Variants in RAB38 observed in about 807,000 individuals in gnomAD.
RAB38 encodes ras-related protein Rab-38.
RAB38 carries 15 observed loss-of-function variants against 18.4 expected under a neutral mutation model. The observed-to-expected ratio is 0.82, with a 90% confidence interval of 0.55 to 1.26. The LOEUF is 1.26. Among genes scored for constraint, RAB38 ranks in the 50% most tolerant of loss-of-function variants. The probability of loss-of-function intolerance (pLI) is 0.00; values close to 1 mark genes in which losing one functional copy is unlikely to be tolerated. For missense variants in RAB38, 294 were observed against 267.4 expected, an observed-to-expected ratio of 1.10 and a Z score of -0.69; for synonymous variants, 101 against 104.4, an observed-to-expected ratio of 0.97 and a Z score of 0.20.
chr11:88,069,534 C>A, the RAB38 span, among the ~76,000 whole-genome samples: 1 of 152,224 alleles, frequency 6.6e-6, no homozygotes, highest in Non-Finnish European at 1.5e-5. Flanking sequence ...ATTTGGAGAA[C>A]TTTTATGTCT....
chr11:87,938,672 G>GA, the RAB38 span, among the ~76,000 whole-genome samples: 28,135 of 117,860 alleles, frequency 0.24, 4,167 homozygotes, highest in African/African-American at 0.44. Flanking sequence ...TTGTTTGCCA[G>GA]AAAAAAAAAA....
chr11:88,174,571 G>C (rs1467898554), intron 1 of RAB38, among the ~76,000 whole-genome samples: 11 of 132,534 alleles, frequency 8.3e-5, no homozygotes, highest in Non-Finnish European at 1.5e-4. Context: ...AGAATACTTT[G>C]CCCCTGACAT....
the RAB38 span, among the ~76,000 whole-genome samples, chr11:87,862,649 C>T: frequency 5.3e-5 from 8 of 151,716 alleles, no homozygotes; most frequent in Admixed American, 5.3e-4. Flanking sequence ...ACTTGTACCC[C>T]TGAACTTAAA....
the RAB38 span, among the ~76,000 whole-genome samples, chr11:87,975,949 G>A: frequency 4.6e-5 from 7 of 151,128 alleles, no homozygotes; most frequent in Non-Finnish European, 5.9e-5. Context: ...AATGTTACAA[G>A]AACAATCAAT....
the RAB38 span, among the ~76,000 whole-genome samples, chr11:88,040,017 G>C: frequency 6.6e-6 from 1 of 152,170 alleles, no homozygotes; most frequent in Non-Finnish European, 1.5e-5. Flanking sequence ...TTAAGTTCTT[G>C]TTTAGCCTAG....
the RAB38 span, among the ~76,000 whole-genome samples, chr11:87,875,360 A>C: frequency 6.6e-6 from 1 of 151,492 alleles, no homozygotes; most frequent in Admixed American, 6.6e-5. Flanking sequence ...ATAAAATAAA[A>C]TATTGATATC....
chr11:88,159,526 A>G (rs1442464996), intron 1 of RAB38, among the ~76,000 whole-genome samples: 1 of 152,042 alleles, frequency 6.6e-6, no homozygotes, highest in East Asian at 1.9e-4. Context: ...CAATAGCCAA[A>G]GTAATACTAA....
the RAB38 span, among the ~76,000 whole-genome samples, chr11:88,039,261 G>T: frequency 6.6e-6 from 1 of 152,068 alleles, no homozygotes; most frequent in Non-Finnish European, 1.5e-5. Flanking sequence ...TTGGAATTAG[G>T]AAGTTTTGAT....
intron 1 of RAB38, among the ~76,000 whole-genome samples, chr11:88,150,927 C>G (rs555010544): frequency 6.6e-6 from 1 of 152,262 alleles, no homozygotes; most frequent in South Asian, 2.1e-4. Context: ...TTTCTGGACT[C>G]TTGCTCAGAA....
the RAB38 span, among the ~76,000 whole-genome samples, chr11:87,942,051 G>A: frequency 6.6e-6 from 1 of 152,158 alleles, no homozygotes; most frequent in African/African-American, 2.4e-5. Context: ...AGAAAATGGT[G>A]CCCAACCTGA....
chr11:88,032,886 C>A, the RAB38 span, among the ~76,000 whole-genome samples: 1 of 152,132 alleles, frequency 6.6e-6, no homozygotes, highest in Non-Finnish European at 1.5e-5. Context: ...GGTATATACC[C>A]AAAGGATTAT....
chr11:88,127,793 T>C (rs954874843), intron 2 of RAB38, among the ~76,000 whole-genome samples: 1 of 152,092 alleles, frequency 6.6e-6, no homozygotes, highest in African/African-American at 2.4e-5. Flanking sequence ...CAAGGTAGGG[T>C]TGGCTGCTAA....
chr11:88,130,156 C>T (rs1339634813), intron 2 of RAB38, among the ~76,000 whole-genome samples: 2 of 152,192 alleles, frequency 1.3e-5, no homozygotes, highest in East Asian at 3.9e-4. Context: ...AAAATAAGGA[C>T]AGGAAGCTCA....
the RAB38 span, among the ~76,000 whole-genome samples, chr11:87,805,674 T>C: frequency 6.6e-6 from 1 of 151,868 alleles, no homozygotes; most frequent in Admixed American, 6.6e-5. Flanking sequence ...TATATATACA[T>C]GCATGTGTGT....
At chr11:88,130,973 A>T (rs1329295003) in intron 2 of RAB38, among the ~76,000 whole-genome samples, 1 of 152,196 alleles carries the variant, frequency 6.6e-6, no homozygotes, top group Non-Finnish European at 1.5e-5. Context: ...AAAATATGTG[A>T]TAAGAACATA....
the RAB38 span, among the ~76,000 whole-genome samples, chr11:87,842,883 A>T: frequency 6.6e-6 from 1 of 152,234 alleles, no homozygotes; most frequent in East Asian, 1.9e-4. Flanking sequence ...GAAACAAAAA[A>T]CATTTTTTAT....
chr11:87,967,402 C>G, the RAB38 span, among the ~76,000 whole-genome samples: 1 of 152,158 alleles, frequency 6.6e-6, no homozygotes, highest in Non-Finnish European at 1.5e-5. Context: ...AATAGCTGTA[C>G]TGCCCACTGG....
At chr11:88,014,882 G>A in the RAB38 span, among the ~76,000 whole-genome samples, 21 of 152,072 alleles carry the variant, frequency 1.4e-4, no homozygotes, top group African/African-American at 3.4e-4. Flanking sequence ...AGTGAAGGAC[G>A]GCAGGGCTTC....
chr11:87,930,837 T>G, the RAB38 span, among the ~76,000 whole-genome samples: 3 of 129,490 alleles, frequency 2.3e-5, no homozygotes, highest in East Asian at 7.2e-4. Context: ...TTTCCCCATT[T>G]CTTGTTTTTG....
Sources: allele counts gnomAD v4.1 joint callset (sites outside exome capture counted in the v4.1 genomes callset), GRCh38; gene constraint gnomAD v4.1.1; transcripts MANE v1.5; gene names NCBI Gene and HGNC (gene_info 2026-07-23, HGNC 2026-07-21).